TNXB: variants seen among roughly 807,000 people sequenced by gnomAD.
TNXB encodes the protein tenascin XB.
Under a neutral mutation model 340.5 loss-of-function variants are expected in TNXB, and 183 were observed. The observed-to-expected ratio is 0.54, with a 90% CI of 0.48 to 0.61. The LOEUF (loss-of-function observed/expected upper bound fraction) is 0.61. TNXB is among the 20% of genes least tolerant of loss of function. The pLI is 0.00. For synonymous variants in TNXB, 2,121 were observed against 2,314.5 expected (o/e 0.92, Z 2.40); for missense variants, 4,613 against 5,446.4 (o/e 0.85, Z 4.82).
chr6:32,064,864 G>A lies in TNXB; in HGVS notation c.6798C>T (p.His2266=), dbSNP rs769161336. 23 of 1,611,720 alleles carry A rather than the reference G, an allele frequency of 1.4e-5. No individual in the cohort carries two copies. The highest frequency in any genetic ancestry group is 4.5e-5 in the East Asian group (2 of 44,878). ...ACACGGGGCCCACGCGCTGGCCACC[G>A]TGGAAGCCGTACAGGTTCATCTTGT... ...HKYKMNLYGF[H]GGQRVGPVSA... is the part of the protein sequence containing the mutation. Residue 2266 remains histidine, a synonymous_variant, in exon 19 of 44, where the codon CAC becomes CAT. Transcript: ENST00000644971. The surrounding 1 kb of genome is among the most constrained non-coding windows in gnomAD (Gnocchi z 5.3).
chr6:32,080,950 T>C lies in TNXB; in HGVS notation c.4042+418A>G, dbSNP rs1187178594. Among the ~76,000 whole-genome samples the C allele has an allele frequency of 6.6e-6, 1 of 152,050 alleles. No homozygotes were observed. The highest frequency in any genetic ancestry group is 1.5e-5 in the Non-Finnish European group (1 of 68,016). ...CTGCCACCTCTGAACACAGCAGAAA[T>C]GGCAGGAGGTTGTGGGCAGCAGGTG... On this transcript the variant is annotated intron_variant, in intron 10 of 43. Transcript: ENST00000644971. This position sits in a 1 kb window ranked among gnomAD's most constrained non-coding sequence, Gnocchi z 4.3.
At chr6:32,066,941 T>G (rs1778372045) in intron 18 of TNXB, among the ~76,000 whole-genome samples, 1 of 151,768 alleles carries the variant, frequency 6.6e-6, no homozygotes, top group African/African-American at 2.4e-5. Context: ...CATGGTGGAG[T>G]GCACTTGTAG....
At position 32,097,959 on chromosome 6, in the gene TNXB, G is replaced by C. The variant is rs1379068904; in HGVS notation, c.240C>G (p.Pro80=). The C allele has an allele frequency of 1.9e-6, 3 of 1,605,742 alleles. No homozygotes were observed. Among genetic ancestry groups the C allele is most frequent in the East Asian group, 4.5e-5 (2 of 44,872 alleles). The change falls in exon 2 of 44, where the codon CCC becomes CCG. Residue 80 remains proline, a synonymous_variant. Coordinates refer to ENST00000644971, the MANE Select transcript of TNXB (RefSeq NM_001365276.2). The surrounding 1 kb of genome is among the most constrained non-coding windows in gnomAD (Gnocchi z 5.9). ...QVVFTHRINL[P]PSTGCGCPPG... is the part of the protein sequence containing the mutation. ...GGGGACAGCCACAGCCAGTGGAAGG[G>C]GGCAGGTTAATGCGGTGGGTGAATA...
Position 32,070,008 on chromosome 6 carries a change from G to A in TNXB, c.5278+119C>T, listed in dbSNP as rs948815754. 5 of 1,388,922 alleles carry A rather than the reference G, an allele frequency of 3.6e-6. No homozygotes were observed. The African/African-American group carries it at 7.2e-5, about 20-fold the overall frequency. The allele number at this position is 1,388,922 out of a possible 1,614,324, so 86.0% of individuals were successfully genotyped here. A position where few individuals can be genotyped will look rare whatever the true frequency, so the allele number is the denominator to read the frequency against. On this transcript the variant is annotated intron_variant, in intron 14 of 43. Transcript: ENST00000644971. The surrounding 1 kb of genome is among the most constrained non-coding windows in gnomAD (Gnocchi z 6.0). ...CTAGGGGCTTGTGCAGGGACGTGGG[G>A]AGCTGGATCTGAGCCGAGTGGCTGG...
Position 32,085,976 on chromosome 6 carries a change from T to A in TNXB, c.2922A>T (p.Thr974=), listed in dbSNP as rs565476717. 2 of 1,608,072 alleles carry A rather than the reference T, an allele frequency of 1.2e-6. No individual in the cohort carries two copies. Among genetic ancestry groups the A allele is most frequent in the South Asian group, 2.2e-5 (2 of 90,116 alleles). Residue 974 remains threonine, a synonymous_variant, in exon 7 of 44, where the codon ACA becomes ACT. Transcript: ENST00000644971. This position sits in a 1 kb window ranked among gnomAD's most constrained non-coding sequence, Gnocchi z 6.4. The stretch of plus-strand genomic sequence containing the variant: ...CGGTCCAGACCACACGGAGGCGCCC[T>A]GTCTCATCTCTGCCCAGCACCCTCA... ...GELRVLGRDE[T]GRLRVVWTAQ...
In TNXB at chr6:32,096,090, C is replaced by T; in HGVS notation, c.1763G>A (p.Arg588Lys). ...CTGGCTGCAGTCATTCGGGCACTGC[C>T]TCACACCGCAATCCTCGCCAGAGTA... is the stretch of plus-strand genomic sequence containing the variant. ...DGYSGEDCGV[R>K]QCPNDCSQHG... Residue 588 changes from arginine to lysine, a missense_variant, in exon 3 of 44, where the codon AGG (arginine) becomes AAG (lysine). Physicochemically the swap from Arg to Lys is conservative, Grantham distance 26 (BLOSUM62 2). Coordinates refer to ENST00000644971, the MANE Select transcript of TNXB (RefSeq NM_001365276.2). 6.2e-7 allele frequency: 1 copy of T among 1,610,860 alleles called. No individual in the cohort carries two copies. Among genetic ancestry groups the T allele is most frequent in the Non-Finnish European group, 8.5e-7 (1 of 1,179,036 alleles).
rs1290324165 is a variant in TNXB, at chr6:32,098,068, C to A, written c.131G>T (p.Gly44Val). Residue 44 changes from glycine (G) to valine (V), a missense_variant, in exon 2 of 44, where the codon GGG becomes GTG. Physicochemically the swap from Gly to Val is moderately radical, Grantham distance 109 (BLOSUM62 -3). Around this residue, in one of 7 missense-constraint regions of TNXB, gnomAD observed 4,327 missense variants for 4,859.4 expected, o/e 0.89. Coordinates refer to ENST00000644971, the MANE Select transcript of TNXB (RefSeq NM_001365276.2). ...LPAPRPPPQP[G>V]GHTVGAGVGS... The stretch of plus-strand genomic sequence containing the variant: ...CACTCCAGCCCCCACTGTGTGGCCC[C>A]CTGGCTGGGGAGGGGGCCGGGGGGC... 1.9e-6 allele frequency: 3 copies of A among 1,606,096 alleles called. No individual in the cohort carries two copies. Among genetic ancestry groups the A allele is most frequent in the Non-Finnish European group, 2.5e-6 (3 of 1,177,476 alleles).
In TNXB at chr6:32,082,383, C is replaced by T; in HGVS notation, c.3446-57G>A. ...CTTAGGTCCAAGGAGAATGGGGAAGCCAAATCCCACATAGGAATGCTGTGT... is the reference window on the plus strand; with the variant it reads ...CTTAGGTCCAAGGAGAATGGGGAAGTCAAATCCCACATAGGAATGCTGTGT... On this transcript the variant is annotated intron_variant, in intron 8 of 43. Transcript: ENST00000644971. The surrounding 1 kb of genome is among the most constrained non-coding windows in gnomAD (Gnocchi z 5.0). 6.7e-7 allele frequency: 1 copy of T among 1,491,782 alleles called. No individual in the cohort carries two copies. Among genetic ancestry groups the T allele is most frequent in the Non-Finnish European group, 9.0e-7 (1 of 1,105,294 alleles). The allele number at this position is 1,491,782 out of a possible 1,614,324, so 92.4% of individuals were successfully genotyped here.
rs1268142322 is a variant in TNXB at position 32,068,960 on chromosome 6, G to A, written c.5764C>T (p.Leu1922Phe). Residue 1922 changes from leucine to phenylalanine, a missense_variant, in exon 16 of 44, where the codon CTC (leucine) becomes TTC (phenylalanine). Leu to Phe is a conservative substitution (Grantham distance 22). This residue lies in a region of TNXB where 4,327 missense variants were observed against 4,859.4 expected (regional missense o/e 0.89). Coordinates refer to ENST00000644971, the MANE Select transcript of TNXB (RefSeq NM_001365276.2). This position sits in a 1 kb window ranked among gnomAD's most constrained non-coding sequence, Gnocchi z 5.3. The part of the protein sequence containing the change: ...EIQYTDRDGQ[L>F]QMVRIGGDRN... ...TCACCTCCTATGCGGACCATTTGGAGTTGCCCGTCTCTATCTGTGTACTGG... is the reference window on the plus strand; with the variant it reads ...TCACCTCCTATGCGGACCATTTGGAATTGCCCGTCTCTATCTGTGTACTGG... 6.2e-7 allele frequency: 1 copy of A among 1,612,936 alleles called. No homozygotes were observed. Among genetic ancestry groups the A allele is most frequent in the Admixed American group, 1.7e-5 (1 of 60,032 alleles).
Position 32,052,833 on chromosome 6 carries a change from C to T in TNXB, c.8952G>A (p.Val2984=). The T allele has an allele frequency of 6.2e-7, 1 of 1,613,634 alleles. No individual in the cohort carries two copies. Among genetic ancestry groups the T allele is most frequent in the Non-Finnish European group, 8.5e-7 (1 of 1,179,882 alleles). ...IPQGRFDSFT[V]QYKDRDGRPQ... Reference sequence around the variant, plus strand: ...GCCGCCCGTCCCTGTCCTTGTACTGCACAGTGAAGGAGTCGAAGCGGCCCT... The same window carrying T: ...GCCGCCCGTCCCTGTCCTTGTACTGTACAGTGAAGGAGTCGAAGCGGCCCT... The change falls in exon 26 of 44, where the codon GTG becomes GTA. Residue 2984 remains valine, a synonymous_variant. Transcript: ENST00000644971. The surrounding 1 kb of genome is among the most constrained non-coding windows in gnomAD (Gnocchi z 4.7).
At chr6:32,093,189 A>T in intron 4 of TNXB, 1 of 542,972 alleles carries the variant, frequency 1.8e-6, no homozygotes, top group East Asian at 2.9e-5. Flanking sequence ...AGCTATGTAA[A>T]TAATATATAC....
rs367555536 is a variant in TNXB, at chr6:32,042,650, C to T, written c.12059-44G>A. The T allele has an allele frequency of 8.1e-5, 116 of 1,430,646 alleles. No individual in the cohort carries two copies. The East Asian group carries it at 2.3e-3, about 29-fold the overall frequency. The allele number at this position is 1,430,646 out of a possible 1,614,324, so 88.6% of individuals were successfully genotyped here. A position where few individuals can be genotyped will look rare whatever the true frequency, so the allele number is the denominator to read the frequency against. On this transcript the variant is annotated intron_variant, in intron 39 of 43. Transcript: ENST00000644971. ...GGCCAGTCCTTTTCCAAGCCTTAGG[C>T]CCTGGCTGCCCACCCAGCCCCCGGC...
In TNXB at chr6:32,079,310, G is replaced by A. The variant is rs757359205; in HGVS notation, c.4098C>T (p.Ala1366=). 3.7e-6 allele frequency: 6 copies of A among 1,612,768 alleles called. No homozygotes were observed. Among genetic ancestry groups the A allele is most frequent in the South Asian group, 1.1e-5 (1 of 91,068 alleles). The change falls in exon 11 of 44, where the codon GCC becomes GCT. Residue 1366 remains alanine (A), a synonymous_variant. Coordinates refer to ENST00000644971, the MANE Select transcript of TNXB (RefSeq NM_001365276.2). This position sits in a 1 kb window ranked among gnomAD's most constrained non-coding sequence, Gnocchi z 7.1. ...GGAGCGGCTCCTCGGGGGACTCCGG[G>A]GCCTCCGTGCCCAGTTCTGTGGGGC... ...TPSPTELGTE[A]PESPEEPLLG... is the part of the protein sequence containing the mutation.
In TNXB at chr6:32,061,003, G is replaced by A. The variant is rs1009125899; in HGVS notation, c.7492+394C>T. 5.3e-5 allele frequency among the ~76,000 whole-genome samples: 8 copies of A among 151,834 alleles called. No individual in the cohort carries two copies. Among genetic ancestry groups the A allele is most frequent in the Non-Finnish European group, 1.0e-4 (7 of 68,018 alleles). The stretch of plus-strand genomic sequence containing the variant: ...TCTTATGTTAAAACATTTCAGTGGC[G>A]GCATAATAGCTCTTTTTATAGATGT... On this transcript the variant is annotated intron_variant, in intron 21 of 43. Coordinates refer to ENST00000644971, the MANE Select transcript of TNXB (RefSeq NM_001365276.2). The surrounding 1 kb of genome is among the most constrained non-coding windows in gnomAD (Gnocchi z 4.4).
Position 32,062,595 on chromosome 6 carries a change from C to A in TNXB, c.6842-112G>T. The A allele has an allele frequency of 1.9e-6, 2 of 1,040,750 alleles. No homozygotes were observed. Among genetic ancestry groups the A allele is most frequent in the South Asian group, 1.7e-5 (1 of 58,502 alleles). The allele number at this position is 1,040,750 out of a possible 1,614,324, so 64.5% of individuals were successfully genotyped here. ...GCCCACAGTCTGGATGCTGGTGCCC[C>A]AAGCTTAGAATATCATTTTTCTGCT... On this transcript the variant is annotated intron_variant, in intron 19 of 43. Coordinates refer to ENST00000644971, the MANE Select transcript of TNXB (RefSeq NM_001365276.2). The surrounding 1 kb of genome is among the most constrained non-coding windows in gnomAD (Gnocchi z 4.3).
intron 21 of TNXB, among the ~76,000 whole-genome samples, chr6:32,060,924 C>A (rs1777967418): frequency 6.6e-6 from 1 of 152,022 alleles, no homozygotes; most frequent in Non-Finnish European, 1.5e-5. Flanking sequence ...CAGGCGTAAG[C>A]CACTGTGCCC....
chr6:32,052,745 A>G lies in TNXB; in HGVS notation c.9040T>C (p.Cys3014Arg), dbSNP rs2857007. The G allele has an allele frequency of 1.7e-3, 2,802 of 1,613,260 alleles. 56 individuals carry two copies. The South Asian group carries it at 0.026, about 15-fold the overall frequency. Reference sequence around the variant, plus strand: ...CCGTACAGGTGCATCTTGTATTTGCACCCGGGCTCCAGGCCCCCCACGGTG... The same window carrying G: ...CCGTACAGGTGCATCTTGTATTTGCGCCCGGGCTCCAGGCCCCCCACGGTG... ...EVTVGGLEPG[C>R]KYKMHLYGLH... is the part of the protein sequence containing the mutation. Residue 3014 changes from cysteine (C) to arginine (R), a missense_variant, in exon 26 of 44, where the codon TGC (cysteine) becomes CGC (arginine). This residue lies in a region of TNXB where 4,327 missense variants were observed against 4,859.4 expected (regional missense o/e 0.89). Transcript: ENST00000644971. The surrounding 1 kb of genome is among the most constrained non-coding windows in gnomAD (Gnocchi z 4.7).
intron 11 of TNXB, among the ~76,000 whole-genome samples, chr6:32,076,971 G>C (rs1040014292): frequency 2.6e-5 from 4 of 152,086 alleles, no homozygotes; most frequent in Non-Finnish European, 5.9e-5. Context: ...GACAAAGCAA[G>C]ACTCTGTCTC....
At position 32,097,141 on chromosome 6, in the gene TNXB, C is replaced by T; in HGVS notation, c.712G>A (p.Gly238Ser). Residue 238 changes from glycine (G) to serine (S), a missense_variant, in exon 3 of 44, where the codon GGC (glycine) becomes AGC (serine). Coordinates refer to ENST00000644971, the MANE Select transcript of TNXB (RefSeq NM_001365276.2). The surrounding 1 kb of genome is among the most constrained non-coding windows in gnomAD (Gnocchi z 5.9). Reference sequence around the variant, plus strand: ...TGGCTGCAGTCGGGGCCTGAGAAGCCTGCCCGGCACACACACACGCCCTGC... The same window carrying T: ...TGGCTGCAGTCGGGGCCTGAGAAGCTTGCCCGGCACACACACACGCCCTGC... ...CVQGVCVCRA[G>S]FSGPDCSQRS... 2 of 1,604,490 alleles carry T rather than the reference C, an allele frequency of 1.2e-6. No homozygotes were observed. Among genetic ancestry groups the T allele is most frequent in the Non-Finnish European group, 1.7e-6 (2 of 1,175,940 alleles).
Sources: allele counts gnomAD v4.1 joint callset (sites outside exome capture counted in the v4.1 genomes callset), GRCh38; gene constraint gnomAD v4.1.1; regional missense constraint gnomAD v4.1.1; non-coding constraint Gnocchi (gnomAD v3.1); transcripts MANE v1.5; gene names NCBI Gene and HGNC (gene_info 2026-07-23, HGNC 2026-07-21).